Variants in SLC30A8 observed in about 807,000 individuals in gnomAD.
The protein encoded by SLC30A8 is proton-coupled zinc antiporter SLC30A8.
SLC30A8 carries 27 observed loss-of-function variants against 36.9 expected under a neutral mutation model. That is an observed-to-expected ratio of 0.73 (90% CI 0.54 to 1.01). The LOEUF (loss-of-function observed/expected upper bound fraction) is 1.01, where lower values mean the gene tolerates loss of function less well. SLC30A8 is among the 50% of genes least tolerant of loss of function. SLC30A8 has a pLI of 0.00. For synonymous variants in SLC30A8, 164 were observed against 172.4 expected (o/e 0.95, Z 0.38); for missense variants, 439 against 452.0 (o/e 0.97, Z 0.26).
chr8:117,044,923 T>A (rs1472061099), intron 2 of SLC30A8, among the ~76,000 whole-genome samples: 1 of 152,104 alleles, frequency 6.6e-6, no homozygotes, highest in Non-Finnish European at 1.5e-5. Context: ...CAGAACTAGC[T>A]GCAAATTCCG....
rs111362364 is a variant in SLC30A8 at position 117,032,079 on chromosome 8, T to C, written c.-265-7140T>C. ...TCCCAAGCCTTTGATTATAGCACCT[T>C]ACGCCTCAGCCCATCTCTGAGGAAC... On this transcript the variant is annotated intron_variant, in intron 1 of 10. Transcript: ENST00000427715. 2.4e-3 allele frequency among the ~76,000 whole-genome samples: 363 copies of C among 152,306 alleles called. 2 individuals are homozygous for C. The highest frequency in any genetic ancestry group is 8.5e-3 in the African/African-American group (353 of 41,562).
At chr8:116,970,675 C>T (rs1045705204) in intron 1 of SLC30A8, among the ~76,000 whole-genome samples, 12 of 152,100 alleles carry the variant, frequency 7.9e-5, no homozygotes, top group Non-Finnish European at 1.6e-4. Flanking sequence ...TGTCTGTTGA[C>T]CAAAACGTCA....
chr8:116,966,815 A>G (rs911556860), intron 1 of SLC30A8, among the ~76,000 whole-genome samples: 1 of 152,244 alleles, frequency 6.6e-6, no homozygotes, highest in African/African-American at 2.4e-5. Flanking sequence ...AAACAAAAAC[A>G]GAAAGCCCAT....
At chr8:117,167,539 CCTT>C (rs1823127944) in intron 6 of SLC30A8, among the ~76,000 whole-genome samples, 1 of 145,080 alleles carries the variant, frequency 6.9e-6, no homozygotes, top group South Asian at 2.2e-4. Flanking sequence ...TAAGTGTGTA[CCTT>C]TTTTTATAAA....
At chr8:117,103,837 C>T (rs1819842222) in intron 2 of SLC30A8, among the ~76,000 whole-genome samples, 1 of 152,168 alleles carries the variant, frequency 6.6e-6, no homozygotes, top group Admixed American at 6.6e-5. Context: ...TCCCAAAAGT[C>T]CAACAGCTTT....
intron 1 of SLC30A8, among the ~76,000 whole-genome samples, chr8:116,971,590 A>ATT (rs778149961): frequency 6.8e-6 from 1 of 147,260 alleles, no homozygotes; most frequent in African/African-American, 2.5e-5. Context: ...TAGAGGAAAC[A>ATT]TTTTTTTTTT....
At chr8:117,056,735 T>C (rs1817884537) in intron 2 of SLC30A8, among the ~76,000 whole-genome samples, 2 of 152,114 alleles carry the variant, frequency 1.3e-5, no homozygotes, top group Non-Finnish European at 2.9e-5. Context: ...ATAAGCCCTT[T>C]GGGGAAAATA....
intron 1 of SLC30A8, among the ~76,000 whole-genome samples, chr8:116,983,981 A>G (rs1038575225): frequency 6.6e-6 from 1 of 152,146 alleles, no homozygotes; most frequent in African/African-American, 2.4e-5. Context: ...CTTTACAGCC[A>G]TACCCACCCT....
rs752796278 is a variant in SLC30A8, at chr8:117,161,862, A to G, written c.697A>G (p.Ile233Val). Residue 233 changes from isoleucine to valine, a missense_variant, in exon 5 of 8, where the codon ATT becomes GTT. Ile to Val is a conservative substitution (Grantham distance 29). Coordinates refer to ENST00000456015, the MANE Select transcript of SLC30A8 (RefSeq NM_173851.3). ...GDLFQSISVL[I>V]SALIIYFKPE... ...TCTATTTCAGAGTATCAGTGTGCTAATTAGTGCACTTATTATCTACTTTAA... is the reference window on the plus strand; with the variant it reads ...TCTATTTCAGAGTATCAGTGTGCTAGTTAGTGCACTTATTATCTACTTTAA... The G allele has an allele frequency of 6.2e-6, 10 of 1,613,578 alleles. No individual in the cohort carries two copies. The highest frequency in any genetic ancestry group is 1.3e-5 in the African/African-American group (1 of 74,904).
At chr8:117,086,921 G>T (rs1818901450) in intron 2 of SLC30A8, among the ~76,000 whole-genome samples, 1 of 152,156 alleles carries the variant, frequency 6.6e-6, no homozygotes, top group Admixed American at 6.5e-5. Flanking sequence ...AGTGCAAAGA[G>T]CTGTAAGTGA....
intron 1 of SLC30A8, among the ~76,000 whole-genome samples, chr8:117,006,822 TCC>T (rs1396057136): frequency 7.6e-6 from 1 of 132,240 alleles, no homozygotes; most frequent in African/African-American, 2.7e-5. Flanking sequence ...TGGCTGTGTC[TCC>T]CAGGTTGGAG....
chr8:117,083,230 T>C (rs1490510182), intron 2 of SLC30A8, among the ~76,000 whole-genome samples: 2 of 152,076 alleles, frequency 1.3e-5, no homozygotes, highest in African/African-American at 4.8e-5. Flanking sequence ...CTTTCCCCCT[T>C]GTGGTGGATG....
chr8:117,167,480 C>CATATATATATAT (rs370309015), intron 6 of SLC30A8, among the ~76,000 whole-genome samples: 16 of 121,054 alleles, frequency 1.3e-4, no homozygotes, highest in East Asian at 8.3e-4. Context: ...TGTGCATTTG[C>CATATATATATAT]ATATATATAT....
intron 1 of SLC30A8, among the ~76,000 whole-genome samples, chr8:117,031,008 A>G (rs968078607): frequency 6.6e-6 from 1 of 152,216 alleles, no homozygotes; most frequent in African/African-American, 2.4e-5. Context: ...TACTAACAAC[A>G]ACAACAAAAA....
intron 2 of SLC30A8, among the ~76,000 whole-genome samples, chr8:117,102,058 G>C (rs1819747225): frequency 6.6e-6 from 1 of 152,080 alleles, no homozygotes; most frequent in Admixed American, 6.5e-5. Context: ...TGAGCTGGGG[G>C]ATTTCATGCT....
At chr8:117,037,730 A>G (rs1817260170) in intron 1 of SLC30A8, among the ~76,000 whole-genome samples, 1 of 152,174 alleles carries the variant, frequency 6.6e-6, no homozygotes, top group African/African-American at 2.4e-5. Context: ...ATATGCATCT[A>G]TGGTGTCTAA....
chr8:116,994,366 A>G (rs1333235157), intron 1 of SLC30A8, among the ~76,000 whole-genome samples: 1 of 152,126 alleles, frequency 6.6e-6, no homozygotes, highest in African/African-American at 2.4e-5. Context: ...TGTTCATAGT[A>G]TCATTACTCA....
At chr8:116,992,904 CAG>C (rs1815693463) in intron 1 of SLC30A8, among the ~76,000 whole-genome samples, 1 of 152,128 alleles carries the variant, frequency 6.6e-6, no homozygotes, top group Non-Finnish European at 1.5e-5. Context: ...TTTTCTCTGA[CAG>C]AGTTTTCCAA....
chr8:117,107,888 A>G (rs185659956), intron 2 of SLC30A8, among the ~76,000 whole-genome samples: 44 of 152,314 alleles, frequency 2.9e-4, no homozygotes, highest in African/African-American at 9.1e-4. Flanking sequence ...TAATAAATGT[A>G]GCAAAACTGA....
Sources: allele counts gnomAD v4.1 joint callset (sites outside exome capture counted in the v4.1 genomes callset), GRCh38; gene constraint gnomAD v4.1.1; transcripts MANE v1.5; gene names NCBI Gene and HGNC (gene_info 2026-07-23, HGNC 2026-07-21).